IFT56: variants seen among roughly 807,000 people sequenced by gnomAD.
IFT56 encodes intraflagellar transport protein 56.
the IFT56 span, among the ~76,000 whole-genome samples, chr7:139,141,904 G>T: frequency 6.6e-6 from 1 of 152,218 alleles, no homozygotes; most frequent in African/African-American, 2.4e-5. Flanking sequence ...TACACACATT[G>T]AGATGACCAT....
At chr7:139,157,139 C>CTTTTTTTTTTTTTTTTTTTTTTTTTTTTT in the IFT56 span, among the ~76,000 whole-genome samples, 2 of 82,090 alleles carry the variant, frequency 2.4e-5, no homozygotes, top group Non-Finnish European at 2.5e-5. Context: ...TCTTTAATTT[C>CTTTTTTTTTTTTTTTTTTTTTTTTTTTTT]TTTTTTTTTT....
the IFT56 span, among the ~76,000 whole-genome samples, chr7:139,152,508 A>C: frequency 6.6e-6 from 1 of 152,220 alleles, no homozygotes; most frequent in Non-Finnish European, 1.5e-5. Flanking sequence ...TAAAGGATTA[A>C]GTTCTCCAGT....
the IFT56 span, among the ~76,000 whole-genome samples, chr7:139,153,483 C>A: frequency 3.1e-4 from 47 of 151,958 alleles, 1 homozygote. Flanking sequence ...AGCTATCAAC[C>A]CCTATTGCCC....
At chr7:139,161,244 C>T in the IFT56 span, 12 of 468,124 alleles carry the variant, frequency 2.6e-5, 1 homozygote, top group South Asian at 5.3e-4. Flanking sequence ...TGGAAAGAAG[C>T]ACAAGGCAGT....
chr7:139,157,139 C>CTTTTTTTTTTTTT, the IFT56 span, among the ~76,000 whole-genome samples: 5 of 82,144 alleles, frequency 6.1e-5, no homozygotes, highest in Non-Finnish European at 1.2e-4. Context: ...TCTTTAATTT[C>CTTTTTTTTTTTTT]TTTTTTTTTT....
At chr7:139,158,335 TA>T in the IFT56 span, among the ~76,000 whole-genome samples, 1 of 130,718 alleles carries the variant, frequency 7.7e-6, no homozygotes, top group African/African-American at 3.5e-5. Context: ...ACCAACAAAG[TA>T]AAAAAAGAAA....
the IFT56 span, among the ~76,000 whole-genome samples, chr7:139,179,303 A>G: frequency 3.3e-5 from 5 of 152,250 alleles, no homozygotes; most frequent in Non-Finnish European, 7.3e-5. Flanking sequence ...GCATGGTCAT[A>G]TATGCTTAAA....
the IFT56 span, among the ~76,000 whole-genome samples, chr7:139,188,823 G>T: frequency 1.3e-5 from 2 of 151,926 alleles, no homozygotes; most frequent in South Asian, 2.1e-4. Context: ...TATTTTTCTT[G>T]AAAAAATCCC....
At chr7:139,136,540 C>T in the IFT56 span, among the ~76,000 whole-genome samples, 1 of 152,116 alleles carries the variant, frequency 6.6e-6, no homozygotes, top group East Asian at 1.9e-4. Flanking sequence ...GCCTCAACCT[C>T]CCAGGGCTCA....
chr7:139,191,256 T>C, the IFT56 span: 1 of 152,212 alleles, frequency 6.6e-6, no homozygotes, highest in Non-Finnish European at 1.5e-5. Context: ...AAGCTTCTGT[T>C]TCCTCATGTT....
chr7:139,152,356 G>A, the IFT56 span, among the ~76,000 whole-genome samples: 2 of 152,272 alleles, frequency 1.3e-5, no homozygotes, highest in South Asian at 4.1e-4. Flanking sequence ...CAAACTTCTG[G>A]CTTCAACTAA....
the IFT56 span, chr7:139,134,907 T>C: frequency 9.7e-7 from 1 of 1,030,926 alleles, no homozygotes; most frequent in South Asian, 1.7e-5. Context: ...TGGGGCTTCC[T>C]GTACAAATCC....
chr7:139,164,562 T>C, the IFT56 span, among the ~76,000 whole-genome samples: 1 of 152,252 alleles, frequency 6.6e-6, no homozygotes, highest in Non-Finnish European at 1.5e-5. Flanking sequence ...GTGTATATTG[T>C]TATAATTTAG....
At chr7:139,144,895 A>G in the IFT56 span, among the ~76,000 whole-genome samples, 1 of 152,136 alleles carries the variant, frequency 6.6e-6, no homozygotes, top group Non-Finnish European at 1.5e-5. Context: ...AGTAATTCCA[A>G]TAGTGTATCT....
chr7:139,177,181 AAAAG>A, the IFT56 span, among the ~76,000 whole-genome samples: 12 of 151,282 alleles, frequency 7.9e-5, no homozygotes, highest in Non-Finnish European at 1.0e-4. Context: ...CAAAAAAAAA[AAAAG>A]AAAGAAAAGA....
the IFT56 span, among the ~76,000 whole-genome samples, chr7:139,182,363 G>A: frequency 2.0e-5 from 3 of 152,022 alleles, no homozygotes; most frequent in African/African-American, 7.2e-5. Flanking sequence ...TTAAGACATA[G>A]GAAACTTAAA....
chr7:139,180,189 T>G, the IFT56 span, among the ~76,000 whole-genome samples: 2 of 149,840 alleles, frequency 1.3e-5, no homozygotes, highest in African/African-American at 2.5e-5. Flanking sequence ...TACAAAAAAT[T>G]AGCCGGGCGC....
At chr7:139,148,688 G>T in the IFT56 span, among the ~76,000 whole-genome samples, 1 of 152,134 alleles carries the variant, frequency 6.6e-6, no homozygotes, top group Non-Finnish European at 1.5e-5. Flanking sequence ...ACTTTGGGAG[G>T]CCAAGGCGGG....
the IFT56 span, chr7:139,190,641 T>C: frequency 6.6e-6 from 1 of 152,212 alleles, no homozygotes; most frequent in African/African-American, 2.4e-5. Flanking sequence ...ATAAAGTCCT[T>C]TGAGGGAATC....
Sources: allele counts gnomAD v4.1 joint callset (sites outside exome capture counted in the v4.1 genomes callset), GRCh38; gene constraint gnomAD v4.1.1; transcripts MANE v1.5; gene names NCBI Gene and HGNC (gene_info 2026-07-23, HGNC 2026-07-21).